Variants in DNER observed in about 807,000 individuals in gnomAD.
DNER encodes the protein delta and Notch-like epidermal growth factor-related receptor.
DNER carries 33 observed loss-of-function variants against 78.2 expected under a neutral mutation model. The ratio of observed to expected loss-of-function variants is 0.42; its 90% confidence interval spans 0.32 to 0.56. The LOEUF is 0.56. DNER is among the 20% of genes least tolerant of loss of function. The probability of loss-of-function intolerance (pLI) is 0.11; values close to 1 mark genes in which losing one functional copy is unlikely to be tolerated. For synonymous variants in DNER, 417 were observed against 384.8 expected (o/e 1.08, Z -0.98); for missense variants, 918 against 975.3 (o/e 0.94, Z 0.78).
chr2:229,484,564 T>C (rs927706614), intron 6 of DNER, among the ~76,000 whole-genome samples: 4 of 152,202 alleles, frequency 2.6e-5, no homozygotes, highest in Admixed American at 6.5e-5. Context: ...GGAGCCCATA[T>C]CCAGACTTAA....
chr2:229,675,623 C>T (rs896442690), intron 1 of DNER, among the ~76,000 whole-genome samples: 4 of 152,168 alleles, frequency 2.6e-5, no homozygotes, highest in Non-Finnish European at 5.9e-5. Flanking sequence ...TGTTATCCTA[C>T]CAGAAGGATG....
chr2:229,607,624 A>G (rs952437792), intron 1 of DNER, among the ~76,000 whole-genome samples: 1 of 152,214 alleles, frequency 6.6e-6, no homozygotes, highest in Non-Finnish European at 1.5e-5. Context: ...CAGAAATAAA[A>G]ATTTATTATA....
chr2:229,361,605 T>C (rs1439375721), intron 12 of DNER, among the ~76,000 whole-genome samples: 1 of 152,170 alleles, frequency 6.6e-6, no homozygotes, highest in African/African-American at 2.4e-5. Flanking sequence ...GAATCGCCCT[T>C]AGTGCTGCTC....
Position 229,543,202 on chromosome 2 carries a change from G to T in DNER, c.993+3745C>A, listed in dbSNP as rs150021734. 3.6e-3 allele frequency among the ~76,000 whole-genome samples: 541 copies of T among 152,258 alleles called. 4 individuals carry two copies. Among genetic ancestry groups the T allele is most frequent in the Middle Eastern group, 0.014 (4 of 294 alleles). On this transcript the variant is annotated intron_variant, in intron 5 of 12. Transcript: ENST00000341772. Reference sequence around the variant, plus strand: ...ACAAGAAGAAGCTGCTACCCCTGATGGAGATGCGCTGCCTCTGAAAGGATC... The same window carrying T: ...ACAAGAAGAAGCTGCTACCCCTGATTGAGATGCGCTGCCTCTGAAAGGATC...
intron 8 of DNER, among the ~76,000 whole-genome samples, chr2:229,440,541 T>C (rs1559352395): frequency 6.6e-6 from 1 of 152,186 alleles, no homozygotes; most frequent in African/African-American, 2.4e-5. Flanking sequence ...TTTTCCCCTT[T>C]CTTTTTACAC....
At chr2:229,422,588 A>G (rs13417042) in intron 8 of DNER, among the ~76,000 whole-genome samples, 17,431 of 152,010 alleles carry the variant, frequency 0.11, 2,911 homozygotes, top group African/African-American at 0.37. Flanking sequence ...GGAAAAACAG[A>G]CTTAGAGGAG....
At chr2:229,656,770 T>C (rs1299268016) in intron 1 of DNER, among the ~76,000 whole-genome samples, 2 of 152,188 alleles carry the variant, frequency 1.3e-5, no homozygotes, top group South Asian at 4.1e-4. Context: ...GATTTTGATG[T>C]CCTGGAGCTA....
chr2:229,479,669 C>T (rs7596260), intron 6 of DNER, among the ~76,000 whole-genome samples: 18,775 of 149,734 alleles, frequency 0.13, 1,341 homozygotes, highest in South Asian at 0.2. Context: ...GCCGAGATTG[C>T]GCCACTGCAC....
intron 4 of DNER, among the ~76,000 whole-genome samples, chr2:229,549,989 G>A (rs115953372): frequency 0.029 from 4,456 of 151,616 alleles, 189 homozygotes; most frequent in African/African-American, 0.094. Flanking sequence ...CATTTCCATA[G>A]TTCTATGCTT....
Position 229,597,363 on chromosome 2 carries a change from C to T in DNER, c.277-5475G>A, listed in dbSNP as rs775798023. ...TGCAATCATTAACTTTTAAGCAAATCATAAATATTTATCTTAAGTCCTACG... is the reference window on the plus strand; with the variant it reads ...TGCAATCATTAACTTTTAAGCAAATTATAAATATTTATCTTAAGTCCTACG... On this transcript the variant is annotated intron_variant, in intron 1 of 12. Coordinates refer to ENST00000341772, the MANE Select transcript of DNER (RefSeq NM_139072.4). Among the ~76,000 whole-genome samples, 5 of 152,148 alleles carry T rather than the reference C, an allele frequency of 3.3e-5. No homozygotes were observed. In the East Asian group the frequency reaches 9.6e-4, roughly 29 times the overall value.
chr2:229,598,679 G>A (rs1559178341), intron 1 of DNER, among the ~76,000 whole-genome samples: 1 of 152,128 alleles, frequency 6.6e-6, no homozygotes, highest in Non-Finnish European at 1.5e-5. Context: ...GGCAGCTTTC[G>A]GCAAAACAAA....
intron 1 of DNER, among the ~76,000 whole-genome samples, chr2:229,631,929 C>A (rs73093583): frequency 6.6e-6 from 1 of 152,156 alleles, no homozygotes; most frequent in East Asian, 1.9e-4. Context: ...CAAATGTCAG[C>A]GAGAATTATT....
intron 1 of DNER, among the ~76,000 whole-genome samples, chr2:229,605,427 C>T (rs963884092): frequency 2.0e-5 from 3 of 152,194 alleles, no homozygotes; most frequent in Non-Finnish European, 2.9e-5. Context: ...TGAAGACACT[C>T]TACAGTACTG....
intron 1 of DNER, among the ~76,000 whole-genome samples, chr2:229,651,271 G>A (rs775545272): frequency 9.2e-5 from 14 of 152,216 alleles, no homozygotes; most frequent in Admixed American, 6.5e-5. Context: ...TTCAATTAAT[G>A]AGAGTCCATT....
At chr2:229,411,689 T>G (rs996493822) in intron 9 of DNER, among the ~76,000 whole-genome samples, 7 of 152,222 alleles carry the variant, frequency 4.6e-5, no homozygotes, top group Admixed American at 3.3e-4. Context: ...CAGAAATATT[T>G]GTAATAGCCC....
intron 6 of DNER, among the ~76,000 whole-genome samples, chr2:229,485,323 T>A (rs1251174601): frequency 6.6e-6 from 1 of 152,106 alleles, no homozygotes; most frequent in Non-Finnish European, 1.5e-5. Context: ...TGGCAGTGAG[T>A]AAATTCTTAA....
chr2:229,597,867 C>T (rs1044070017), intron 1 of DNER, among the ~76,000 whole-genome samples: 4 of 152,182 alleles, frequency 2.6e-5, no homozygotes, highest in Admixed American at 2.0e-4. Flanking sequence ...CAAATAATGT[C>T]TACTCTAACC....
chr2:229,705,473 C>T (rs1699812861), intron 1 of DNER, among the ~76,000 whole-genome samples: 1 of 152,202 alleles, frequency 6.6e-6, no homozygotes, highest in Admixed American at 6.5e-5. Context: ...TTACACAAAC[C>T]CAAAGCCTCC....
At chr2:229,475,179 T>G (rs1216121509) in intron 7 of DNER, among the ~76,000 whole-genome samples, 2 of 152,134 alleles carry the variant, frequency 1.3e-5, no homozygotes, top group Non-Finnish European at 2.9e-5. Flanking sequence ...TTTTACAGAT[T>G]AAAAACACCA....
Sources: gnomAD v4.1 joint callset for allele counts (sites outside exome capture counted in the v4.1 genomes callset) on GRCh38, gnomAD v4.1.1 for gene constraint, MANE v1.5 for transcripts, NCBI Gene and HGNC (gene_info 2026-07-23, HGNC 2026-07-21) for gene names.